The following PXK variants were observed in gnomAD, a reference collection of about 807,000 sequenced individuals.
PXK encodes PX domain containing serine/threonine kinase like.
In PXK, 35 loss-of-function variants were observed where a neutral mutation model predicts 84.7. That is an observed-to-expected ratio of 0.41 (90% CI 0.32 to 0.55). The LOEUF (loss-of-function observed/expected upper bound fraction) is 0.55, where lower values mean the gene tolerates loss of function less well. Among genes scored for constraint, PXK ranks in the 20% least tolerant of loss-of-function variants. The pLI, the probability that PXK is intolerant of heterozygous loss-of-function variation, is 0.21. For synonymous variants in PXK, 253 were observed against 260.8 expected, an observed-to-expected ratio of 0.97 and a Z score of 0.29; for missense variants, 634 against 699.7, an observed-to-expected ratio of 0.91 and a Z score of 1.06.
Position 58,425,169 on chromosome 3 carries a change from G to A in PXK, c.*209G>A, listed in dbSNP as rs1247170631. On this transcript the variant is annotated 3_prime_UTR_variant, in exon 18 of 18. Transcript: ENST00000356151. ...GCTGGCATTGCTCCCTTAAGATCTT[G>A]CTCCTTTATTAACCCTGTAAAGGAG... 11 of 707,330 alleles carry A rather than the reference G, an allele frequency of 1.6e-5. No homozygotes were observed. Among genetic ancestry groups the A allele is most frequent in the African/African-American group, 3.6e-5 (2 of 55,572 alleles). 43.8% of individuals were successfully genotyped at this position (707,330 alleles called of 1,614,324 possible).
At position 58,386,290 on chromosome 3, in the gene PXK, CTTTT is replaced by C. The variant is rs752411806; in HGVS notation, c.388+3610_388+3613del. 3.8e-4 allele frequency among the ~76,000 whole-genome samples: 31 copies of C among 82,260 alleles called. 1 individual carries two copies. Among genetic ancestry groups the C allele is most frequent in the African/African-American group, 1.2e-3 (24 of 20,524 alleles). The allele number at this position is 82,260 out of a possible 152,430, so 54.0% of individuals were successfully genotyped here. A position where few individuals can be genotyped will look rare whatever the true frequency, so the allele number is the denominator to read the frequency against. On this transcript the variant is annotated intron_variant, in intron 4 of 17. Transcript: ENST00000356151. ...CTATCTCACACATATATCCCCCTTACTTTTTTTTTTTTTTTTTTTTTTTGAGACA... is the reference window on the plus strand; with the variant it reads ...CTATCTCACACATATATCCCCCTTACTTTTTTTTTTTTTTTTTTTGAGACA...
chr3:58,375,735 C>A (rs1369989998), intron 3 of PXK, among the ~76,000 whole-genome samples: 1 of 152,010 alleles, frequency 6.6e-6, no homozygotes, highest in Non-Finnish European at 1.5e-5. Flanking sequence ...TGTGTGTGAG[C>A]GCACCCTGAC....
chr3:58,403,799 T>A, intron 12 of PXK, 63 bp from the exon 13 acceptor site: 9 of 1,127,140 alleles, frequency 8.0e-6, no homozygotes, highest in Non-Finnish European at 1.0e-5. Flanking sequence ...TAATCTGCTT[T>A]CATCCTAGTC....
chr3:58,404,255 G>T (rs1483967391), intron 13 of PXK, among the ~76,000 whole-genome samples: 2 of 152,204 alleles, frequency 1.3e-5, no homozygotes, highest in African/African-American at 2.4e-5. Context: ...CATGGAAAGA[G>T]AATGGGCTTC....
At chr3:58,336,240 G>T (rs912513983) in intron 1 of PXK, among the ~76,000 whole-genome samples, 1 of 151,246 alleles carries the variant, frequency 6.6e-6, no homozygotes. Context: ...AAATGATTTA[G>T]GATTTGTGAA....
At chr3:58,343,204 A>G (rs894716189) in intron 1 of PXK, among the ~76,000 whole-genome samples, 5 of 152,318 alleles carry the variant, frequency 3.3e-5, no homozygotes, top group South Asian at 2.1e-4. Flanking sequence ...CCACCAGGTA[A>G]CAAGTGATTC....
At chr3:58,357,716 A>G (rs2098115564) in intron 1 of PXK, among the ~76,000 whole-genome samples, 2 of 152,204 alleles carry the variant, frequency 1.3e-5, no homozygotes, top group South Asian at 2.1e-4. Flanking sequence ...TGGGAGGCCA[A>G]GGTGGGCGGA....
chr3:58,369,455 G>T lies in PXK; in HGVS notation c.178G>T (p.Asp60Tyr). The T allele has an allele frequency of 6.2e-7, 1 of 1,610,490 alleles. No individual in the cohort carries two copies. The highest frequency in any genetic ancestry group is 1.1e-5 in the South Asian group (1 of 90,904). Residue 60 changes from aspartate (D) to tyrosine (Y), a missense_variant, in exon 3 of 18, where the codon GAT becomes TAT. This residue lies in a region of PXK where 353 missense variants were observed against 385.2 expected (regional missense o/e 0.92). Coordinates refer to ENST00000356151, the MANE Select transcript of PXK (RefSeq NM_017771.5). Reference protein sequence around the residue: ...WQIVRRYSDFDLLNNSLQIAG... With the variant: ...WQIVRRYSDFYLLNNSLQIAG... ...GATTGTTAGAAGATACAGTGACTTT[G>T]ATTTGCTTAACAACAGCTTACAGGT...
intron 1 of PXK, among the ~76,000 whole-genome samples, chr3:58,350,176 G>A (rs769676038): frequency 2.6e-5 from 4 of 152,064 alleles, no homozygotes; most frequent in Non-Finnish European, 4.4e-5. Flanking sequence ...TGTTCCTTTC[G>A]ACTGCTTCTT....
chr3:58,343,579 GT>G, intron 1 of PXK, among the ~76,000 whole-genome samples: 1 of 152,340 alleles, frequency 6.6e-6, no homozygotes, highest in Admixed American at 6.5e-5. Context: ...AGGAGGGTCT[GT>G]GCATAGAAGA....
rs1560054472 is a variant in PXK at position 58,395,060 on chromosome 3, G to A, written c.678G>A (p.Arg226=). The change falls in exon 8 of 18, where the codon AGG becomes AGA. Residue 226 remains arginine (R), a synonymous_variant. Coordinates refer to ENST00000356151, the MANE Select transcript of PXK (RefSeq NM_017771.5). The stretch of plus-strand genomic sequence containing the variant: ...ATGAATCCTCAGCGTTGCTAATTAG[G>A]ATGTTTAACGAAAAGGGAACATTGA... ...TANESSALLI[R]MFNEKGTLKD... 12 of 1,613,348 alleles carry A rather than the reference G, an allele frequency of 7.4e-6. No homozygotes were observed. The highest frequency in any genetic ancestry group is 9.3e-6 in the Non-Finnish European group (11 of 1,179,454).
chr3:58,425,181 A>C lies in PXK; in HGVS notation c.*221A>C, dbSNP rs1287489164. 7.9e-6 allele frequency: 5 copies of C among 630,702 alleles called. No homozygotes were observed. Among genetic ancestry groups the C allele is most frequent in the Non-Finnish European group, 1.3e-5 (5 of 384,098 alleles). 39.1% of individuals were successfully genotyped at this position (630,702 alleles called of 1,614,324 possible). A position where few individuals can be genotyped will look rare whatever the true frequency, so the allele number is the denominator to read the frequency against. The stretch of plus-strand genomic sequence containing the variant: ...CCCTTAAGATCTTGCTCCTTTATTA[A>C]CCCTGTAAAGGAGTCTTGTTTATCC... On this transcript the variant is annotated 3_prime_UTR_variant, in exon 18 of 18. Transcript: ENST00000356151.
intron 17 of PXK, chr3:58,422,341 C>T (rs2062021192): frequency 3.0e-6 from 3 of 985,344 alleles, no homozygotes; most frequent in Middle Eastern, 5.2e-4. Context: ...ACATAAGAGC[C>T]ACCATGGTTG....
chr3:58,408,870 G>C, intron 13 of PXK, 54 bp from the exon 14 acceptor site: 1 of 1,348,398 alleles, frequency 7.4e-7, no homozygotes. Context: ...CCAGGACTTG[G>C]AAGTATCTCC....
rs1434127882 is a variant in PXK, at chr3:58,412,305, GA to G, written c.1466-591del. The stretch of plus-strand genomic sequence containing the variant: ...AAATATAATAAGGTTACTAGATCCA[GA>G]AAAAGCATGCAACAGGTGGGATTCA... On this transcript the variant is annotated intron_variant, in intron 16 of 17. Coordinates refer to ENST00000356151, the MANE Select transcript of PXK (RefSeq NM_017771.5). This position sits in a 1 kb window ranked among gnomAD's most constrained non-coding sequence, Gnocchi z 6.2. 6.6e-6 allele frequency among the ~76,000 whole-genome samples: 1 copy of G among 152,060 alleles called. No homozygotes were observed. The highest frequency in any genetic ancestry group is 2.4e-5 in the African/African-American group (1 of 41,404).
chr3:58,382,842 T>C, intron 4 of PXK, 142 bp downstream of exon 4: 1 of 597,806 alleles, frequency 1.7e-6, no homozygotes, highest in Non-Finnish European at 2.6e-6. Context: ...TTTACTAAGA[T>C]TTTCTTGATT....
In PXK at chr3:58,353,884, G is replaced by A. The variant is rs149683579; in HGVS notation, c.103-11990G>A. On this transcript the variant is annotated intron_variant, in intron 1 of 17. Transcript: ENST00000356151. ...AGGTGGTAGAAGAATTTGGAAGCTAGGCTGAGGAATTTGGATTTACCCTGT... is the reference window on the plus strand; with the variant it reads ...AGGTGGTAGAAGAATTTGGAAGCTAAGCTGAGGAATTTGGATTTACCCTGT... 3.3e-5 allele frequency among the ~76,000 whole-genome samples: 5 copies of A among 152,346 alleles called. No homozygotes were observed. In the East Asian group the frequency reaches 9.6e-4, roughly 29 times the overall value.
chr3:58,362,022 T>G (rs996101281), intron 1 of PXK, among the ~76,000 whole-genome samples: 1 of 152,366 alleles, frequency 6.6e-6, no homozygotes, highest in Non-Finnish European at 1.5e-5. Flanking sequence ...TTACTGTTTT[T>G]TATTTAAGCC....
Position 58,370,493 on chromosome 3 carries a change from C to G in PXK, c.201+1015C>G, listed in dbSNP as rs71311862. 0.016 allele frequency among the ~76,000 whole-genome samples: 2,442 copies of G among 152,188 alleles called. 29 individuals are homozygous for G. Among genetic ancestry groups the G allele is most frequent in the Non-Finnish European group, 0.02 (1,391 of 68,032 alleles). Reference sequence around the variant, plus strand: ...TCAGGTTTGATTGGTAACATAAAACCCTTTAAACCTGAGGAAGAGTGCACG... The same window carrying G: ...TCAGGTTTGATTGGTAACATAAAACGCTTTAAACCTGAGGAAGAGTGCACG... On this transcript the variant is annotated intron_variant, in intron 3 of 17. Transcript: ENST00000356151. The surrounding 1 kb of genome is among the most constrained non-coding windows in gnomAD (Gnocchi z 4.2).
Sources: gnomAD v4.1 joint callset for allele counts (sites outside exome capture counted in the v4.1 genomes callset) on GRCh38, gnomAD v4.1.1 for gene constraint, gnomAD v4.1.1 regional missense constraint, Gnocchi (gnomAD v3.1) non-coding constraint, MANE v1.5 for transcripts, NCBI Gene and HGNC (gene_info 2026-07-23, HGNC 2026-07-21) for gene names.